The following KIAA1549L variants were observed in gnomAD, a reference collection of about 807,000 sequenced individuals.
The protein encoded by KIAA1549L is KIAA1549 like.
A neutral mutation model predicts 160.7 loss-of-function variants in KIAA1549L; 88 were observed. The observed-to-expected ratio is 0.55, with a 90% CI of 0.46 to 0.65. KIAA1549L has a LOEUF of 0.65. Ranked by LOEUF, KIAA1549L falls within the 30% of genes least tolerant of loss-of-function variation. The pLI, the probability that KIAA1549L is intolerant of heterozygous loss-of-function variation, is 0.00. For missense variants in KIAA1549L, 2,258 were observed against 2,437.5 expected, an observed-to-expected ratio of 0.93 and a Z score of 1.55; for synonymous variants, 950 against 976.7, an observed-to-expected ratio of 0.97 and a Z score of 0.51.
At chr11:33,609,293 C>T (rs1235212641) in intron 14 of KIAA1549L, among the ~76,000 whole-genome samples, 1 of 152,264 alleles carries the variant, frequency 6.6e-6, no homozygotes, top group Non-Finnish European at 1.5e-5. Flanking sequence ...CCAGCTCAGC[C>T]TCTTCAGGAA....
At chr11:33,548,013 G>A in intron 4 of KIAA1549L, 134 bp downstream of exon 4, 1 of 637,968 alleles carries the variant, frequency 1.6e-6, no homozygotes, top group Non-Finnish European at 2.8e-6. Flanking sequence ...CTTCACTTTG[G>A]CAACTAGCTA....
At chr11:33,499,121 G>T (rs908631063) in intron 1 of KIAA1549L, among the ~76,000 whole-genome samples, 1 of 152,066 alleles carries the variant, frequency 6.6e-6, no homozygotes, top group African/African-American at 2.4e-5. Flanking sequence ...CATAGAAAAG[G>T]TCCTCCTTCC....
intron 1 of KIAA1549L, among the ~76,000 whole-genome samples, chr11:33,468,832 A>T (rs1852115478): frequency 1.3e-5 from 2 of 152,158 alleles, no homozygotes; most frequent in South Asian, 4.1e-4. Flanking sequence ...TAGCCCTGGG[A>T]GGAATGAAGA....
rs184790555 is a variant in KIAA1549L, at chr11:33,475,173, G to A, written c.239-66629G>A. On this transcript the variant is annotated intron_variant, in intron 1 of 20. Transcript: ENST00000658780. ...CCCCTAACACCCAATTCCTCACCTCGTCTTTTCTTTCTTATGGAGCCCTGA... is the reference window on the plus strand; with the variant it reads ...CCCCTAACACCCAATTCCTCACCTCATCTTTTCTTTCTTATGGAGCCCTGA... 1.3e-4 allele frequency among the ~76,000 whole-genome samples: 20 copies of A among 152,254 alleles called. No homozygotes were observed. The East Asian group carries it at 1.9e-3, about 15-fold the overall frequency.
intron 1 of KIAA1549L, among the ~76,000 whole-genome samples, chr11:33,409,990 T>A (rs1333967992): frequency 6.6e-6 from 1 of 152,230 alleles, no homozygotes; most frequent in Non-Finnish European, 1.5e-5. Context: ...TTTCTGACGT[T>A]TCTCTGTGTC....
chr11:33,455,387 T>C (rs1851801981), intron 1 of KIAA1549L, among the ~76,000 whole-genome samples: 1 of 151,590 alleles, frequency 6.6e-6, no homozygotes, highest in African/African-American at 2.4e-5. Context: ...TATAAATATT[T>C]CCATTATGGC....
chr11:33,547,679 G>A, intron 3 of KIAA1549L, 85 bp from the exon 4 acceptor site: 1 of 805,350 alleles, frequency 1.2e-6, no homozygotes, highest in Non-Finnish European at 2.1e-6. Context: ...ACTTGCAGAA[G>A]GTGGTGGTTG....
chr11:33,611,424 A>G (rs761785842), intron 15 of KIAA1549L, among the ~76,000 whole-genome samples: 14 of 152,182 alleles, frequency 9.2e-5, no homozygotes, highest in Non-Finnish European at 1.9e-4. Flanking sequence ...AATTTTATGA[A>G]TTGGATCAAC....
intron 1 of KIAA1549L, among the ~76,000 whole-genome samples, chr11:33,440,420 G>A (rs565085384): frequency 6.6e-4 from 101 of 152,160 alleles, no homozygotes; most frequent in Non-Finnish European, 1.1e-3. Flanking sequence ...GTGAGCCACC[G>A]CGCCCGGCCT....
intron 1 of KIAA1549L, among the ~76,000 whole-genome samples, chr11:33,389,827 T>C (rs968820951): frequency 8.5e-5 from 13 of 152,184 alleles, no homozygotes; most frequent in African/African-American, 9.7e-5. Context: ...TAAGAGAGGG[T>C]TGAGAAAGTG....
intron 15 of KIAA1549L, among the ~76,000 whole-genome samples, chr11:33,616,121 A>AAT (rs1399550305): frequency 6.6e-6 from 1 of 152,070 alleles, no homozygotes; most frequent in Non-Finnish European, 1.5e-5. Context: ...ATAAAAGGGG[A>AAT]ATATATTATT....
At chr11:33,461,398 G>A (rs1851939511) in intron 1 of KIAA1549L, among the ~76,000 whole-genome samples, 1 of 152,136 alleles carries the variant, frequency 6.6e-6, no homozygotes. Flanking sequence ...TGCTCCACAG[G>A]TGAGTGCTGA....
At position 33,639,433 on chromosome 11, in the gene KIAA1549L, C is replaced by A. The variant is rs775944849; in HGVS notation, c.5410-6253C>A. Among the ~76,000 whole-genome samples the A allele has an allele frequency of 4.6e-5, 7 of 152,316 alleles. No individual in the cohort carries two copies. The South Asian group carries it at 8.3e-4, about 18-fold the overall frequency. ...GCCTTTGCTACTGAGTTCTGATATA[C>A]CATAACTCTCCAAAACTATAATTAC... is the stretch of plus-strand genomic sequence containing the variant. On this transcript the variant is annotated intron_variant, in intron 16 of 20. Transcript: ENST00000658780.
intron 1 of KIAA1549L, among the ~76,000 whole-genome samples, chr11:33,430,041 T>TCCTTCCTCCCTTCCTTCCTCCCTTACTC (rs1200093248): frequency 7.1e-6 from 1 of 140,388 alleles, no homozygotes. Context: ...CTTCCTTCCT[T>TCCTTCCTCCCTTCCTTCCTCCCTTACTC]CCTTCCTCCC....
intron 1 of KIAA1549L, among the ~76,000 whole-genome samples, chr11:33,522,339 C>A (rs907765949): frequency 2.0e-5 from 3 of 152,116 alleles, no homozygotes; most frequent in African/African-American, 7.2e-5. Context: ...GTAAAACTTA[C>A]ATCTAATCAG....
intron 1 of KIAA1549L, among the ~76,000 whole-genome samples, chr11:33,508,326 T>G (rs950625574): frequency 1.3e-4 from 20 of 152,194 alleles, no homozygotes; most frequent in African/African-American, 4.8e-4. Context: ...CACGGTGGCT[T>G]CACAGATAAG....
chr11:33,561,867 A>G (rs1366471671), intron 8 of KIAA1549L, 132 bp downstream of exon 8: 3 of 668,298 alleles, frequency 4.5e-6, no homozygotes, highest in East Asian at 2.7e-5. Flanking sequence ...AGTTACTTCT[A>G]CAGGACCAGA....
At chr11:33,528,095 A>G (rs1853655401) in intron 1 of KIAA1549L, among the ~76,000 whole-genome samples, 1 of 152,210 alleles carries the variant, frequency 6.6e-6, no homozygotes, top group Non-Finnish European at 1.5e-5. Context: ...CATGATTGCG[A>G]GGCCTCCCCA....
At chr11:33,494,398 A>G (rs1338553456) in intron 1 of KIAA1549L, among the ~76,000 whole-genome samples, 3 of 152,204 alleles carry the variant, frequency 2.0e-5, no homozygotes, top group Non-Finnish European at 2.9e-5. Flanking sequence ...TGGTGTTAGG[A>G]AAAATTTTTC....
Sources: gnomAD v4.1 joint callset for allele counts (sites outside exome capture counted in the v4.1 genomes callset) on GRCh38, gnomAD v4.1.1 for gene constraint, MANE v1.5 for transcripts, NCBI Gene and HGNC (gene_info 2026-07-23, HGNC 2026-07-21) for gene names.